Variants in RERE observed in about 807,000 individuals in gnomAD.
The protein encoded by RERE is arginine-glutamic acid dipeptide repeats protein.
A neutral mutation model predicts 146.1 loss-of-function variants in RERE; 40 were observed. That is an observed-to-expected ratio of 0.27 (90% confidence interval 0.21 to 0.36). RERE has a LOEUF of 0.36. Ranked by LOEUF, RERE falls within the 10% of genes least tolerant of loss-of-function variation. The probability of loss-of-function intolerance (pLI) is 1.00; values close to 1 mark genes in which losing one functional copy is unlikely to be tolerated. For missense variants in RERE, 1,933 were observed against 2,138.7 expected (o/e 0.90, Z 1.90); for synonymous variants, 1,003 against 866.0 (o/e 1.16, Z -2.78).
chr1:8,469,034 T>C lies in RERE; in HGVS notation c.1105-3011A>G, dbSNP rs763411101. Among the ~76,000 whole-genome samples the C allele has an allele frequency of 5.4e-4, 82 of 152,320 alleles. 1 individual carries two copies. The highest frequency in any genetic ancestry group is 9.0e-4 in the Non-Finnish European group (61 of 68,036). On this transcript the variant is annotated intron_variant, in intron 10 of 22. Coordinates refer to ENST00000400908, the MANE Select transcript of RERE (RefSeq NM_001042681.2). ...TATGCGACCTTGAGAGAGTTACTTA[T>C]CATTTTTGTGCCTTAATTTTGACAT...
At chr1:8,641,118 G>A (rs537428926) in intron 2 of RERE, among the ~76,000 whole-genome samples, 2 of 152,246 alleles carry the variant, frequency 1.3e-5, no homozygotes, top group African/African-American at 4.8e-5. Flanking sequence ...GGCAATATCT[G>A]GAAAGATGAC....
chr1:8,573,011 C>A (rs980092566), intron 4 of RERE, among the ~76,000 whole-genome samples: 1 of 152,146 alleles, frequency 6.6e-6, no homozygotes, highest in African/African-American at 2.4e-5. Context: ...TTCCATACAC[C>A]AGTTTCTCTA....
At chr1:8,464,032 G>A (rs1644562394) in intron 11 of RERE, among the ~76,000 whole-genome samples, 1 of 152,096 alleles carries the variant, frequency 6.6e-6, no homozygotes, top group African/African-American at 2.4e-5. Flanking sequence ...ACATAAACAG[G>A]CTTACAGTAA....
intron 10 of RERE, among the ~76,000 whole-genome samples, chr1:8,482,719 A>C (rs1644852913): frequency 6.6e-6 from 1 of 151,284 alleles, no homozygotes; most frequent in Non-Finnish European, 1.5e-5. Flanking sequence ...ACAAAAATTA[A>C]ATCACGCAAT....
intron 4 of RERE, among the ~76,000 whole-genome samples, chr1:8,562,088 G>A (rs1646085428): frequency 6.6e-6 from 1 of 152,078 alleles, no homozygotes; most frequent in Middle Eastern, 3.2e-3. Context: ...TAAAGCAAGT[G>A]GATGAGCTCA....
At chr1:8,680,665 A>G (rs570722576) in intron 1 of RERE, among the ~76,000 whole-genome samples, 2 of 152,286 alleles carry the variant, frequency 1.3e-5, no homozygotes, top group Admixed American at 6.5e-5. Context: ...GAGAGACTGA[A>G]AAGTAACATC....
chr1:8,577,423 T>C (rs1646309710), intron 4 of RERE, among the ~76,000 whole-genome samples: 1 of 152,152 alleles, frequency 6.6e-6, no homozygotes, highest in Non-Finnish European at 1.5e-5. Flanking sequence ...ATCAGCCATA[T>C]ACTGTTAAGA....
At chr1:8,366,301 G>T (rs1570055922) in intron 12 of RERE, among the ~76,000 whole-genome samples, 1 of 152,244 alleles carries the variant, frequency 6.6e-6, no homozygotes, top group South Asian at 2.1e-4. Context: ...CACAATGGAC[G>T]AAAAGGAGAG....
intron 1 of RERE, among the ~76,000 whole-genome samples, chr1:8,768,781 T>C (rs1179888914): frequency 2.0e-5 from 3 of 152,190 alleles, no homozygotes; most frequent in African/African-American, 7.2e-5. Context: ...CCTTTGGTTC[T>C]ATTCTCATAA....
In RERE at chr1:8,635,856, G is replaced by A. The variant is rs561929274; in HGVS notation, c.326-11476C>T. On this transcript the variant is annotated intron_variant, in intron 2 of 22. Transcript: ENST00000400908. ...ACGTAAGTGCTGGAGATGCTAAGGC[G>A]AAAAAAACACTGTCCTTCCCTTGAC... Among the ~76,000 whole-genome samples the A allele has an allele frequency of 9.3e-4, 141 of 152,044 alleles. 1 individual carries two copies. Among genetic ancestry groups the A allele is most frequent in the African/African-American group, 3.2e-3 (134 of 41,492 alleles).
chr1:8,635,995 ATTTTATTTTT>A (rs1329522536), intron 2 of RERE, among the ~76,000 whole-genome samples: 3 of 128,658 alleles, frequency 2.3e-5, no homozygotes, highest in East Asian at 2.2e-4. Context: ...ATTTTATTTT[ATTTTATTTTT>A]AAGACTGAGT....
At chr1:8,560,177 A>G (rs1216201873) in intron 4 of RERE, among the ~76,000 whole-genome samples, 1 of 152,170 alleles carries the variant, frequency 6.6e-6, no homozygotes, top group Admixed American at 6.5e-5. Context: ...TATAATAAGG[A>G]CTTGCTCAAC....
chr1:8,546,752 G>A (rs1225379252), intron 6 of RERE, among the ~76,000 whole-genome samples: 2 of 151,894 alleles, frequency 1.3e-5, no homozygotes, highest in African/African-American at 4.8e-5. Context: ...GGAGGCTGAG[G>A]CAGGAGAATC....
chr1:8,751,969 A>G (rs1640546558), intron 1 of RERE, among the ~76,000 whole-genome samples: 1 of 148,392 alleles, frequency 6.7e-6, no homozygotes, highest in African/African-American at 2.5e-5. Context: ...AAAAAAAAAG[A>G]TCAATTCAAT....
chr1:8,664,565 G>A (rs991902483), intron 1 of RERE, among the ~76,000 whole-genome samples: 4 of 151,988 alleles, frequency 2.6e-5, no homozygotes, highest in African/African-American at 9.7e-5. Flanking sequence ...CATACTCTGC[G>A]TGCACCACCA....
chr1:8,444,704 G>C (rs769364761), intron 11 of RERE, among the ~76,000 whole-genome samples: 1 of 152,150 alleles, frequency 6.6e-6, no homozygotes, highest in African/African-American at 2.4e-5. Flanking sequence ...TGCTGTGCTT[G>C]CAATAGTGAG....
intron 12 of RERE, among the ~76,000 whole-genome samples, chr1:8,389,508 C>A (rs1374718508): frequency 1.3e-5 from 2 of 152,100 alleles, no homozygotes; most frequent in Admixed American, 1.3e-4. Flanking sequence ...GCAGGCGCAC[C>A]CTAGCACGAA....
At chr1:8,813,042 G>C (rs1051788042) in intron 1 of RERE, among the ~76,000 whole-genome samples, 1 of 151,968 alleles carries the variant, frequency 6.6e-6, no homozygotes, top group African/African-American at 2.4e-5. Flanking sequence ...ATAGGACAAG[G>C]AGAGCTTCAA....
intron 2 of RERE, among the ~76,000 whole-genome samples, chr1:8,636,820 T>G (rs1268912356): frequency 1.3e-5 from 2 of 152,032 alleles, no homozygotes; most frequent in Admixed American, 6.5e-5. Flanking sequence ...GAGCAGGAGA[T>G]AGAGCATGGG....
Sources: gnomAD v4.1 joint callset for allele counts (sites outside exome capture counted in the v4.1 genomes callset) on GRCh38, gnomAD v4.1.1 for gene constraint, MANE v1.5 for transcripts, NCBI Gene and HGNC (gene_info 2026-07-23, HGNC 2026-07-21) for gene names.